The following SNTG1 variants were observed in gnomAD, a reference collection of about 807,000 sequenced individuals.
SNTG1 encodes the protein syntrophin gamma 1.
Under a neutral mutation model 74.7 loss-of-function variants are expected in SNTG1, and 39 were observed. The observed-to-expected ratio is 0.52, with a 90% confidence interval of 0.40 to 0.68. The LOEUF (loss-of-function observed/expected upper bound fraction) is 0.68, where lower values mean the gene tolerates loss of function less well. Among genes scored for constraint, SNTG1 ranks in the 30% least tolerant of loss-of-function variants. SNTG1 has a pLI of 0.00. For missense variants in SNTG1, 685 were observed against 609.5 expected (o/e 1.12, Z -1.30); for synonymous variants, 254 against 217.1 (o/e 1.17, Z -1.49).
At chr8:50,676,529 T>A (rs1202944886) in intron 15 of SNTG1, among the ~76,000 whole-genome samples, 1 of 152,016 alleles carries the variant, frequency 6.6e-6, no homozygotes, top group Admixed American at 6.6e-5. Flanking sequence ...ACAGTTCCTC[T>A]AACCTTTTAT....
In SNTG1 at chr8:50,673,661, G is replaced by A. The variant is rs188258204; in HGVS notation, c.1038+14998G>A. Among the ~76,000 whole-genome samples, 206 of 151,774 alleles carry A rather than the reference G, an allele frequency of 1.4e-3. 2 individuals carry two copies. The highest frequency in any genetic ancestry group is 0.01 in the Middle Eastern group (3 of 294). On this transcript the variant is annotated intron_variant, in intron 15 of 18. Coordinates refer to ENST00000642720, the MANE Select transcript of SNTG1 (RefSeq NM_018967.5). ...ACTGCCTCTCTTCCTATCTGAATAC[G>A]CTTTATTTCTTTCTCTTGCCTGATT...
At chr8:50,620,603 T>C (rs1219220801) in intron 13 of SNTG1, among the ~76,000 whole-genome samples, 1 of 152,164 alleles carries the variant, frequency 6.6e-6, no homozygotes, top group Non-Finnish European at 1.5e-5. Flanking sequence ...GAGTAGCTAA[T>C]TTTTCTGCAC....
chr8:50,073,116 T>C (rs552328834), intron 1 of SNTG1, among the ~76,000 whole-genome samples: 3 of 152,160 alleles, frequency 2.0e-5, no homozygotes, highest in Non-Finnish European at 4.4e-5. Flanking sequence ...GATTACTCTG[T>C]AGCATGCAAT....
intron 2 of SNTG1, among the ~76,000 whole-genome samples, chr8:50,249,299 G>A (rs1487124069): frequency 6.6e-6 from 1 of 152,202 alleles, no homozygotes; most frequent in African/African-American, 2.4e-5. Flanking sequence ...AGAAGCTATG[G>A]CACAGTCTTG....
chr8:49,942,024 A>T (rs1484022089), intron 1 of SNTG1, among the ~76,000 whole-genome samples: 1 of 152,216 alleles, frequency 6.6e-6, no homozygotes, highest in Non-Finnish European at 1.5e-5. Flanking sequence ...TACACAAATA[A>T]TTAGAGATAA....
chr8:50,570,242 T>TTTTATATTTTATTTTATTTTATTTTA (rs1554577275), intron 12 of SNTG1, among the ~76,000 whole-genome samples: 1 of 64,606 alleles, frequency 1.5e-5, no homozygotes, highest in Non-Finnish European at 3.7e-5. Flanking sequence ...TTTTATTTTA[T>TTTTATATTTTATTTTATTTTATTTTA]TTTATTTTAT....
intron 13 of SNTG1, among the ~76,000 whole-genome samples, chr8:50,629,107 T>C (rs1469454980): frequency 6.6e-6 from 1 of 152,160 alleles, no homozygotes; most frequent in Non-Finnish European, 1.5e-5. Flanking sequence ...TCAAAGGGTA[T>C]AAGCTTTCAG....
chr8:49,983,121 C>T (rs904930659), intron 1 of SNTG1, among the ~76,000 whole-genome samples: 4 of 152,232 alleles, frequency 2.6e-5, no homozygotes, highest in East Asian at 1.9e-4. Flanking sequence ...ACCGTAAAAC[C>T]TCAAGTGTTA....
chr8:50,647,995 T>G (rs1022317054), intron 13 of SNTG1, among the ~76,000 whole-genome samples: 2 of 152,192 alleles, frequency 1.3e-5, no homozygotes, highest in African/African-American at 4.8e-5. Flanking sequence ...TCTCTTCAAC[T>G]GCGTAATTAT....
At chr8:50,577,446 T>C (rs1445332274) in intron 12 of SNTG1, among the ~76,000 whole-genome samples, 2 of 151,016 alleles carry the variant, frequency 1.3e-5, no homozygotes, top group Non-Finnish European at 3.0e-5. Flanking sequence ...TATTGGTCCA[T>C]AGTTTTTTTT....
At chr8:50,355,252 TAA>T (rs567946043) in intron 2 of SNTG1, among the ~76,000 whole-genome samples, 12,053 of 152,212 alleles carry the variant, frequency 0.079, 569 homozygotes, top group African/African-American at 0.12. Flanking sequence ...AATAATTAAT[TAA>T]TTAAATAAAT....
At chr8:50,450,792 G>C in intron 8 of SNTG1, 63 bp downstream of exon 8, 1 of 1,476,410 alleles carries the variant, frequency 6.8e-7, no homozygotes, top group Middle Eastern at 2.3e-4. Context: ...TTAGTGCATT[G>C]CTAAAGACTG....
intron 9 of SNTG1, among the ~76,000 whole-genome samples, chr8:50,510,083 C>T (rs1284651031): frequency 2.6e-5 from 4 of 152,166 alleles, no homozygotes; most frequent in Non-Finnish European, 5.9e-5. Flanking sequence ...CTTTGAGATA[C>T]ATCCCATCAA....
At chr8:50,383,530 C>T (rs990061058) in intron 2 of SNTG1, among the ~76,000 whole-genome samples, 1 of 152,044 alleles carries the variant, frequency 6.6e-6, no homozygotes, top group Admixed American at 6.6e-5. Flanking sequence ...AATTACAGTC[C>T]TCATTTTTGC....
At chr8:50,541,093 T>G (rs909804984) in intron 11 of SNTG1, among the ~76,000 whole-genome samples, 1 of 152,154 alleles carries the variant, frequency 6.6e-6, no homozygotes, top group African/African-American at 2.4e-5. Flanking sequence ...TTAAACCTTT[T>G]ATTTTGAAAA....
rs182950102 is a variant in SNTG1 at position 50,537,390 on chromosome 8, C to A, written c.680+582C>A. On this transcript the variant is annotated intron_variant, in intron 11 of 18. Coordinates refer to ENST00000642720, the MANE Select transcript of SNTG1 (RefSeq NM_018967.5). ...TTATAGGCATAAACCACATGCCCAGCAGCATAGTTGGTCTAAATTATAAGA... is the reference window on the plus strand; with the variant it reads ...TTATAGGCATAAACCACATGCCCAGAAGCATAGTTGGTCTAAATTATAAGA... Among the ~76,000 whole-genome samples, 83 of 152,280 alleles carry A rather than the reference C, an allele frequency of 5.5e-4. No individual in the cohort carries two copies. In the East Asian group the frequency reaches 0.015, roughly 28 times the overall value.
intron 1 of SNTG1, among the ~76,000 whole-genome samples, chr8:50,077,506 A>C: frequency 6.6e-6 from 1 of 152,174 alleles, no homozygotes; most frequent in Admixed American, 6.5e-5. Flanking sequence ...ATTAAGCATT[A>C]TTTAATAGAA....
At chr8:50,079,264 G>A (rs1822177374) in intron 1 of SNTG1, among the ~76,000 whole-genome samples, 2 of 152,182 alleles carry the variant, frequency 1.3e-5, no homozygotes, top group Non-Finnish European at 2.9e-5. Flanking sequence ...ACTGGTGTGA[G>A]ACAGTATCTC....
chr8:50,409,406 G>A (rs769951091), intron 4 of SNTG1, among the ~76,000 whole-genome samples: 33 of 152,158 alleles, frequency 2.2e-4, no homozygotes, highest in Non-Finnish European at 1.0e-4. Flanking sequence ...CACAGTTGAA[G>A]TTTTAGCATT....
Sources: allele counts gnomAD v4.1 joint callset (sites outside exome capture counted in the v4.1 genomes callset), GRCh38; gene constraint gnomAD v4.1.1; transcripts MANE v1.5; gene names NCBI Gene and HGNC (gene_info 2026-07-23, HGNC 2026-07-21).